Variants in KIF24 observed in about 807,000 individuals in gnomAD.
The protein encoded by KIF24 is kinesin-like protein KIF24.
A neutral mutation model predicts 118.9 loss-of-function variants in KIF24; 81 were observed. That is an observed-to-expected ratio of 0.68 (90% CI 0.57 to 0.82). KIF24 has a LOEUF of 0.82. Ranked by LOEUF, KIF24 falls within the 40% of genes least tolerant of loss-of-function variation. The pLI, the probability that KIF24 is intolerant of heterozygous loss-of-function variation, is 0.00. For synonymous variants in KIF24, 599 were observed against 610.0 expected, an observed-to-expected ratio of 0.98 and a Z score of 0.27; for missense variants, 1,560 against 1,661.6, an observed-to-expected ratio of 0.94 and a Z score of 1.06.
chr9:34,252,828 C>A lies in KIF24; in HGVS notation c.*1552G>T, dbSNP rs1006309132. 2.6e-5 allele frequency: 4 copies of A among 152,040 alleles called. No homozygotes were observed. Among genetic ancestry groups the A allele is most frequent in the African/African-American group, 7.2e-5 (3 of 41,382 alleles). The allele number at this position is 152,040 out of a possible 1,614,324, so 9.4% of individuals were successfully genotyped here. A position where few individuals can be genotyped will look rare whatever the true frequency, so the allele number is the denominator to read the frequency against. On this transcript the variant is annotated 3_prime_UTR_variant, in exon 13 of 13. Transcript: ENST00000402558. ...GATCACCCAGTAAAAGAGGAAGAAG[C>A]CCTTTTACTGTGAGCAGCAGGCATT...
At chr9:34,297,937 C>T (rs1486007775) in intron 3 of KIF24, among the ~76,000 whole-genome samples, 2 of 151,576 alleles carry the variant, frequency 1.3e-5, no homozygotes, top group African/African-American at 4.9e-5. Context: ...CCCTATCTTA[C>T]CTCCTAAAAA....
chr9:34,314,310 C>T (rs557822231), intron 1 of KIF24, among the ~76,000 whole-genome samples: 82 of 152,102 alleles, frequency 5.4e-4, no homozygotes, highest in Non-Finnish European at 1.1e-3. Context: ...AGTACAGGCG[C>T]GCGCCACCAC....
At position 34,290,222 on chromosome 9, in the gene KIF24, T is replaced by A. The variant is rs370091940; in HGVS notation, c.1079A>T (p.Tyr360Phe). 4 of 1,613,916 alleles carry A rather than the reference T, an allele frequency of 2.5e-6. No individual in the cohort carries two copies. In the African/African-American group the frequency reaches 5.3e-5, roughly 22 times the overall value. ...RKHLFVWISF[Y>F]EIYCGQLYDL... Reference sequence around the variant, plus strand: ...ATAAAGCTGTCCACAGTAAATTTCATAGAAGCTGATCCACACAAAGAGGTG... The same window carrying A: ...ATAAAGCTGTCCACAGTAAATTTCAAAGAAGCTGATCCACACAAAGAGGTG... Residue 360 changes from tyrosine (Y) to phenylalanine (F), a missense_variant, in exon 5 of 13, where the codon TAT (tyrosine) becomes TTT (phenylalanine). Coordinates refer to ENST00000402558, the MANE Select transcript of KIF24 (RefSeq NM_194313.4).
At position 34,290,195 on chromosome 9, in the gene KIF24, T is replaced by C; in HGVS notation, c.1106A>G (p.Asp369Gly). The change falls in exon 5 of 13, where the codon GAC (aspartate) becomes GGC (glycine). Residue 369 changes from aspartate to glycine, a missense_variant. Coordinates refer to ENST00000402558, the MANE Select transcript of KIF24 (RefSeq NM_194313.4). ...FYEIYCGQLYDLLNRRKRLFA... is the reference protein window; with the variant it reads ...FYEIYCGQLYGLLNRRKRLFA... ...GTACCTTTTTCTTCTATTTAGGAGGTCATAAAGCTGTCCACAGTAAATTTC... is the reference window on the plus strand; with the variant it reads ...GTACCTTTTTCTTCTATTTAGGAGGCCATAAAGCTGTCCACAGTAAATTTC... 1 of 1,613,374 alleles carries C rather than the reference T, an allele frequency of 6.2e-7. No individual in the cohort carries two copies. The highest frequency in any genetic ancestry group is 2.2e-5 in the East Asian group (1 of 44,876).
At chr9:34,286,836 TC>T in intron 5 of KIF24, 132 bp from the exon 6 acceptor site, 2 of 657,348 alleles carry the variant, frequency 3.0e-6, no homozygotes, top group Non-Finnish European at 5.4e-6. Flanking sequence ...ATGCTTATCC[TC>T]CTCCCAACCC....
chr9:34,286,541 G>T, intron 6 of KIF24, 76 bp downstream of exon 6: 1 of 1,024,732 alleles, frequency 9.8e-7, no homozygotes, highest in Non-Finnish European at 1.5e-6. Flanking sequence ...CACAGTACTT[G>T]CTTAGTAGCA....
chr9:34,271,325 C>CAAAAAA (rs58895274), intron 7 of KIF24, among the ~76,000 whole-genome samples: 56 of 107,044 alleles, frequency 5.2e-4, no homozygotes, highest in African/African-American at 1.4e-3. Flanking sequence ...AGCAATCCAG[C>CAAAAAA]AAAAAAAAAA....
intron 12 of KIF24, 127 bp from the exon 13 acceptor site, chr9:34,254,647 G>T: frequency 1.1e-6 from 1 of 929,522 alleles, no homozygotes; most frequent in Non-Finnish European, 1.7e-6. Context: ...GGGAGAACAT[G>T]TAGGATAGTT....
chr9:34,320,103 C>T (rs1837464958), intron 1 of KIF24, among the ~76,000 whole-genome samples: 1 of 152,112 alleles, frequency 6.6e-6, no homozygotes, highest in African/African-American at 2.4e-5. Flanking sequence ...GCTGCAGCCC[C>T]TGGGACCAGG....
rs1834645507 is a variant in KIF24 at position 34,252,754 on chromosome 9, A to AC, written c.*1625dup. ...GCCCAGCTCCGTCTGTGGACCAAGG[A>AC]CGTAGGCCTTCCTGACTGTGGAGTT... is the stretch of plus-strand genomic sequence containing the variant. On this transcript the variant is annotated 3_prime_UTR_variant, in exon 13 of 13. Transcript: ENST00000402558. The AC allele has an allele frequency of 1.3e-5, 2 of 152,190 alleles. No homozygotes were observed. Among genetic ancestry groups the AC allele is most frequent in the South Asian group, 4.1e-4 (2 of 4,832 alleles). The allele number at this position is 152,190 out of a possible 1,614,324, so 9.4% of individuals were successfully genotyped here.
chr9:34,318,889 T>C lies in KIF24; in HGVS notation c.-25-7518A>G. 6 of 1,599,436 alleles carry C rather than the reference T, an allele frequency of 3.8e-6. No homozygotes were observed. The highest frequency in any genetic ancestry group is 1.1e-5 in the South Asian group (1 of 90,858). ...ACAACTGCGAGCACTCCAAGATCAA[T>C]TTCCATGACAAGCGCAGTGCGCTGC... is the stretch of plus-strand genomic sequence containing the variant. On this transcript the variant is annotated intron_variant, in intron 1 of 12. Coordinates refer to ENST00000402558, the MANE Select transcript of KIF24 (RefSeq NM_194313.4). This position sits in a 1 kb window ranked among gnomAD's most constrained non-coding sequence, Gnocchi z 4.9.
intron 1 of KIF24, among the ~76,000 whole-genome samples, chr9:34,317,874 G>C (rs910641245): frequency 6.6e-6 from 1 of 152,196 alleles, no homozygotes; most frequent in East Asian, 1.9e-4. Context: ...TTAGGAAAAT[G>C]CATAACCTAT....
upstream of KIF24, among the ~76,000 whole-genome samples, chr9:34,333,426 A>G (rs193101464): frequency 1.3e-5 from 2 of 152,192 alleles, no homozygotes; most frequent in African/African-American, 4.8e-5. Flanking sequence ...CAGGAGTTCA[A>G]GACTAGCTTG....
chr9:34,301,987 A>AT lies in KIF24; in HGVS notation c.813+4264dup, dbSNP rs71504112. Among the ~76,000 whole-genome samples, 314 of 72,562 alleles carry AT rather than the reference A, an allele frequency of 4.3e-3. 4 individuals carry two copies. The highest frequency in any genetic ancestry group is 8.8e-3 in the African/African-American group (280 of 31,724). The allele number at this position is 72,562 out of a possible 152,430, so 47.6% of individuals were successfully genotyped here. A position where few individuals can be genotyped will look rare whatever the true frequency, so the allele number is the denominator to read the frequency against. On this transcript the variant is annotated intron_variant, in intron 3 of 12. Coordinates refer to ENST00000402558, the MANE Select transcript of KIF24 (RefSeq NM_194313.4). ...GTCATCTTATTTTTTCTATATATGT[A>AT]TTTTTTTTTCTTTTTTTTTTTTTTT...
intron 1 of KIF24, among the ~76,000 whole-genome samples, chr9:34,320,391 C>T (rs1397598948): frequency 4.0e-5 from 6 of 150,362 alleles, no homozygotes; most frequent in African/African-American, 1.5e-4. Flanking sequence ...GGCAGGGTGG[C>T]TCGTGCCTGT....
Position 34,268,986 on chromosome 9 carries a change from G to C in KIF24, c.1443+271C>G, listed in dbSNP as rs189906696. ...TTGGGGAAAGAGAGAAAGCTTAGCG[G>C]AGTTAACCATTCAGCAACTGCAGAA... is the stretch of plus-strand genomic sequence containing the variant. On this transcript the variant is annotated intron_variant, in intron 8 of 12. Transcript: ENST00000402558. Among the ~76,000 whole-genome samples, 122 of 152,324 alleles carry C rather than the reference G, an allele frequency of 8.0e-4. 2 individuals carry two copies. The highest frequency in any genetic ancestry group is 3.4e-3 in the Middle Eastern group (1 of 294).
rs1241278313 is a variant in KIF24, at chr9:34,271,812, C to A, written c.1334G>T (p.Gly445Val). ...CTCCCTGATATTTCCAGCTCACCTGCCAAATGTCCTCTTGGCTGAATCTTT... is the reference window on the plus strand; with the variant it reads ...CTCCCTGATATTTCCAGCTCACCTGACAAATGTCCTCTTGGCTGAATCTTT... ...QIKDSAKRTF[G>V]RISFIDLAGS... Residue 445 changes from glycine (G) to valine (V), a missense_variant, in exon 7 of 13, where the codon GGC (glycine) becomes GTC (valine). By Grantham distance (109) the Gly-to-Val change is moderately radical (BLOSUM62 -3). Transcript: ENST00000402558. 6.2e-7 allele frequency: 1 copy of A among 1,612,826 alleles called. No individual in the cohort carries two copies. The highest frequency in any genetic ancestry group is 2.2e-5 in the East Asian group (1 of 44,876).
At chr9:34,323,078 T>G (rs1194931070) in intron 1 of KIF24, among the ~76,000 whole-genome samples, 1 of 152,178 alleles carries the variant, frequency 6.6e-6, no homozygotes, top group African/African-American at 2.4e-5. Context: ...TATAGACTAC[T>G]GATCTCAACA....
intron 6 of KIF24, among the ~76,000 whole-genome samples, chr9:34,286,150 A>T (rs1360176593): frequency 6.6e-6 from 1 of 151,632 alleles, no homozygotes; most frequent in East Asian, 1.9e-4. Context: ...CCTGGCCAAC[A>T]TGGTGAAACC....
Sources: gnomAD v4.1 joint callset for allele counts (sites outside exome capture counted in the v4.1 genomes callset) on GRCh38, gnomAD v4.1.1 for gene constraint, Gnocchi (gnomAD v3.1) non-coding constraint, MANE v1.5 for transcripts, NCBI Gene and HGNC (gene_info 2026-07-23, HGNC 2026-07-21) for gene names.